Variants in HMX3 observed in about 807,000 individuals in gnomAD.
The protein encoded by HMX3 is H6 family homeobox 3, also known as homeobox protein HMX3.
HMX3 carries 8 observed loss-of-function variants against 22.8 expected under a neutral mutation model. The ratio of observed to expected loss-of-function variants is 0.35; its 90% confidence interval spans 0.21 to 0.63. The LOEUF is 0.63. HMX3 is among the 30% of genes least tolerant of loss of function. The pLI is 0.72. For missense variants in HMX3, 527 were observed against 520.6 expected, an observed-to-expected ratio of 1.01 and a Z score of -0.12; for synonymous variants, 331 against 250.9, an observed-to-expected ratio of 1.32 and a Z score of -3.02.
At position 123,137,600 on chromosome 10, in the gene HMX3, G is replaced by A. The variant is rs748253096; in HGVS notation, c.943G>A (p.Ala315Thr). The part of the protein sequence containing the change: ...RVPILYHENS[A>T]AEGAAAAAAG... The stretch of plus-strand genomic sequence containing the variant: ...GCCCATCCTCTACCACGAGAACTCG[G>A]CGGCCGAGGGCGCGGCGGCTGCAGC... Residue 315 changes from alanine to threonine, a missense_variant, in exon 2 of 2, where the codon GCG becomes ACG. Physicochemically the swap from Ala to Thr is moderately conservative, Grantham distance 58. Transcript: ENST00000357878. This position sits in a 1 kb window ranked among gnomAD's most constrained non-coding sequence, Gnocchi z 5.8. The A allele has an allele frequency of 1.3e-6, 2 of 1,579,846 alleles. No individual in the cohort carries two copies. Among genetic ancestry groups the A allele is most frequent in the Non-Finnish European group, 1.7e-6 (2 of 1,167,710 alleles).
Position 123,136,233 on chromosome 10 carries a change from TGCC to T in HMX3, c.198_200del (p.Ala73del), listed in dbSNP as rs956236050. 65 of 1,333,830 alleles carry T rather than the reference TGCC, an allele frequency of 4.9e-5. No homozygotes were observed. The highest frequency in any genetic ancestry group is 3.6e-4 in the South Asian group (15 of 42,188). 82.6% of individuals were successfully genotyped at this position (1,333,830 alleles called of 1,614,324 possible). On this transcript the variant is annotated inframe_deletion, in exon 1 of 2. Coordinates refer to ENST00000357878, the MANE Select transcript of HMX3 (RefSeq NM_001105574.2). The surrounding 1 kb of genome is among the most constrained non-coding windows in gnomAD (Gnocchi z 4.8). ...GGACGCTCTTCGCGCCAGCCTCGGCTGCCGCCGCCGCCGCCGCTGCCGCTGCCG... is the reference window on the plus strand; with the variant it reads ...GGACGCTCTTCGCGCCAGCCTCGGCTGCCGCCGCCGCCGCTGCCGCTGCCG...
chr10:123,136,312 G>T lies in HMX3; in HGVS notation c.262G>T (p.Val88Leu), dbSNP rs374078073. The T allele has an allele frequency of 1.3e-6, 2 of 1,557,370 alleles. No individual in the cohort carries two copies. Among genetic ancestry groups the T allele is most frequent in the South Asian group, 2.3e-5 (2 of 85,242 alleles). The change falls in exon 1 of 2, where the codon GTG becomes TTG. Residue 88 changes from valine to leucine, a missense_variant. This residue lies in a region of HMX3 where 386 missense variants were observed against 337.8 expected (regional missense o/e 1.14). Transcript: ENST00000357878. The surrounding 1 kb of genome is among the most constrained non-coding windows in gnomAD (Gnocchi z 4.8). ...CGCCGCGGGCTTCGCGCTCTCGCAG[G>T]TGGGCGACCTGGCTTTCCCTCGCTT... is the stretch of plus-strand genomic sequence containing the variant. ...EGAAGFALSQ[V>L]GDLAFPRFEI...
chr10:123,136,988 C>G lies in HMX3; in HGVS notation c.401-70C>G. 1.4e-6 allele frequency: 2 copies of G among 1,471,120 alleles called. No individual in the cohort carries two copies. Among genetic ancestry groups the G allele is most frequent in the South Asian group, 1.4e-5 (1 of 70,454 alleles). The allele number at this position is 1,471,120 out of a possible 1,614,324, so 91.1% of individuals were successfully genotyped here. ...CCGGCGCGGGTTGAGCCTGCCGTCC[C>G]CAGGCGCCGGGCCTCGCTCAAGGCT... On this transcript the variant is annotated intron_variant, in intron 1 of 1. Coordinates refer to ENST00000357878, the MANE Select transcript of HMX3 (RefSeq NM_001105574.2). This position sits in a 1 kb window ranked among gnomAD's most constrained non-coding sequence, Gnocchi z 4.8.
Position 123,136,418 on chromosome 10 carries a change from C to G in HMX3, c.368C>G (p.Thr123Ser). The change falls in exon 1 of 2, where the codon ACC becomes AGC. Residue 123 changes from threonine (T) to serine (S), a missense_variant. By Grantham distance (58) the Thr-to-Ser change is moderately conservative (BLOSUM62 1). Coordinates refer to ENST00000357878, the MANE Select transcript of HMX3 (RefSeq NM_001105574.2). This position sits in a 1 kb window ranked among gnomAD's most constrained non-coding sequence, Gnocchi z 4.8. ...SPAWWYPYTL[T>S]PAGGHLPRPE... Reference sequence around the variant, plus strand: ...GCCTGGTGGTACCCCTACACCCTGACCCCCGCCGGCGGCCACCTCCCGCGA... The same window carrying G: ...GCCTGGTGGTACCCCTACACCCTGAGCCCCGCCGGCGGCCACCTCCCGCGA... 2 of 1,494,892 alleles carry G rather than the reference C, an allele frequency of 1.3e-6. No individual in the cohort carries two copies. Among genetic ancestry groups the G allele is most frequent in the East Asian group, 2.7e-5 (1 of 36,924 alleles). The allele number at this position is 1,494,892 out of a possible 1,614,324, so 92.6% of individuals were successfully genotyped here. A position where few individuals can be genotyped will look rare whatever the true frequency, so the allele number is the denominator to read the frequency against.
In HMX3 at chr10:123,136,101, ACCG is replaced by A. The variant is rs1331408027; in HGVS notation, c.60_62del (p.Pro24del). 1.4e-6 allele frequency: 2 copies of A among 1,386,834 alleles called. No homozygotes were observed. The highest frequency in any genetic ancestry group is 9.4e-7 in the Non-Finnish European group (1 of 1,068,948). 85.9% of individuals were successfully genotyped at this position (1,386,834 alleles called of 1,614,324 possible). On this transcript the variant is annotated inframe_deletion, in exon 1 of 2. Coordinates refer to ENST00000357878, the MANE Select transcript of HMX3 (RefSeq NM_001105574.2). The surrounding 1 kb of genome is among the most constrained non-coding windows in gnomAD (Gnocchi z 4.8). ...CCGGCACCGCCAGCGCACAGCCCCA[ACCG>A]CCGCCGCCCCCCCCACCCGCTCCCA...
In HMX3 at chr10:123,137,689, G is replaced by T; in HGVS notation, c.1032G>T (p.Ser344=). Residue 344 remains serine, a synonymous_variant, in exon 2 of 2, where the codon TCG becomes TCT. Coordinates refer to ENST00000357878, the MANE Select transcript of HMX3 (RefSeq NM_001105574.2). The surrounding 1 kb of genome is among the most constrained non-coding windows in gnomAD (Gnocchi z 5.8). ...CCTTCCCGCACCCCGTCTACTACTC[G>T]CACCCGGTGGTCTCTTCCGTGCCGC... ...LLTFPHPVYY[S]HPVVSSVPLL... is the part of the protein sequence containing the mutation. 1 of 1,472,136 alleles carries T rather than the reference G, an allele frequency of 6.8e-7. No homozygotes were observed. Among genetic ancestry groups the T allele is most frequent in the Middle Eastern group, 1.9e-4 (1 of 5,386 alleles). The allele number at this position is 1,472,136 out of a possible 1,614,324, so 91.2% of individuals were successfully genotyped here.
In HMX3 at chr10:123,137,855, C is replaced by T; in HGVS notation, c.*124C>T. The stretch of plus-strand genomic sequence containing the variant: ...AGGAACTGGGGCTTGGGCGCGCAGC[C>T]TCTGCTTCCCCTCCCCCAGTCGGTA... On this transcript the variant is annotated 3_prime_UTR_variant, in exon 2 of 2. Coordinates refer to ENST00000357878, the MANE Select transcript of HMX3 (RefSeq NM_001105574.2). This position sits in a 1 kb window ranked among gnomAD's most constrained non-coding sequence, Gnocchi z 5.8. 1.6e-6 allele frequency: 1 copy of T among 615,686 alleles called. No homozygotes were observed. Among genetic ancestry groups the T allele is most frequent in the African/African-American group, 2.0e-5 (1 of 51,020 alleles). 38.1% of individuals were successfully genotyped at this position (615,686 alleles called of 1,614,324 possible).
Position 123,136,110 on chromosome 10 carries a change from G to GCCCCCC in HMX3, c.63_68dup (p.Pro23_Pro24dup). 1.6e-6 allele frequency: 2 copies of GCCCCCC among 1,261,622 alleles called. No homozygotes were observed. Among genetic ancestry groups the GCCCCCC allele is most frequent in the Non-Finnish European group, 2.0e-6 (2 of 986,954 alleles). 78.2% of individuals were successfully genotyped at this position (1,261,622 alleles called of 1,614,324 possible). On this transcript the variant is annotated inframe_insertion, in exon 1 of 2. Coordinates refer to ENST00000357878, the MANE Select transcript of HMX3 (RefSeq NM_001105574.2). This position sits in a 1 kb window ranked among gnomAD's most constrained non-coding sequence, Gnocchi z 4.8. The stretch of plus-strand genomic sequence containing the variant: ...CCAGCGCACAGCCCCAACCGCCGCC[G>GCCCCCC]CCCCCCCCACCCGCTCCCAAGGAGT...
At position 123,137,814 on chromosome 10, in the gene HMX3, A is replaced by T. The variant is rs561851098; in HGVS notation, c.*83A>T. On this transcript the variant is annotated 3_prime_UTR_variant, in exon 2 of 2. Transcript: ENST00000357878. This position sits in a 1 kb window ranked among gnomAD's most constrained non-coding sequence, Gnocchi z 5.8. ...ACTGGGCCGGGCCGAGGGCGCCGAGAAGTCCAGCGGCCTTCAGGAACTGGG... is the reference window on the plus strand; with the variant it reads ...ACTGGGCCGGGCCGAGGGCGCCGAGTAGTCCAGCGGCCTTCAGGAACTGGG... 2.8e-4 allele frequency: 309 copies of T among 1,096,512 alleles called. 3 individuals are homozygous for T. The African/African-American group carries it at 4.5e-3, about 16-fold the overall frequency. The allele number at this position is 1,096,512 out of a possible 1,614,324, so 67.9% of individuals were successfully genotyped here. A position where few individuals can be genotyped will look rare whatever the true frequency, so the allele number is the denominator to read the frequency against.
At position 123,137,139 on chromosome 10, in the gene HMX3, A is replaced by C; in HGVS notation, c.482A>C (p.Asp161Ala). The change falls in exon 2 of 2, where the codon GAC becomes GCC. Residue 161 changes from aspartate (D) to alanine (A), a missense_variant. By Grantham distance (126) the Asp-to-Ala change is moderately radical. Around this residue, in one of 3 missense-constraint regions of HMX3, gnomAD observed 386 missense variants for 337.8 expected, o/e 1.14. Coordinates refer to ENST00000357878, the MANE Select transcript of HMX3 (RefSeq NM_001105574.2). This position sits in a 1 kb window ranked among gnomAD's most constrained non-coding sequence, Gnocchi z 5.8. ...RDSPEPLLKA[D>A]PDHKELDSKS... ...TCTCCGGAGCCACTGCTCAAGGCCG[A>C]CCCCGATCACAAGGAGCTGGACTCC... 1 of 1,608,288 alleles carries C rather than the reference A, an allele frequency of 6.2e-7. No homozygotes were observed.
At position 123,137,520 on chromosome 10, in the gene HMX3, C is replaced by A; in HGVS notation, c.863C>A (p.Ala288Glu). 1.2e-6 allele frequency: 2 copies of A among 1,612,390 alleles called. No homozygotes were observed. Among genetic ancestry groups the A allele is most frequent in the Admixed American group, 1.7e-5 (1 of 60,008 alleles). ...AACAAGTGGAAGCGGCAGCTGGCGG[C>A]GGAGCTGGAGGCGGCCAACCTGAGC... ...RRNKWKRQLA[A>E]ELEAANLSHA... is the part of the protein sequence containing the mutation. The change falls in exon 2 of 2, where the codon GCG becomes GAG. Residue 288 changes from alanine (A) to glutamate (E), a missense_variant. Ala to Glu is a moderately radical substitution (Grantham distance 107, BLOSUM62 -1). This residue lies in a region of HMX3 where 41 missense variants were observed against 80.6 expected (regional missense o/e 0.51). Transcript: ENST00000357878. This position sits in a 1 kb window ranked among gnomAD's most constrained non-coding sequence, Gnocchi z 5.8.
rs928356118 is a variant in HMX3, at chr10:123,138,129, C to G, written c.*398C>G. On this transcript the variant is annotated 3_prime_UTR_variant, in exon 2 of 2. Transcript: ENST00000357878. The stretch of plus-strand genomic sequence containing the variant: ...AAATAAGCGCAAAACCTAAATCCCT[C>G]TAGTTTATTCTTTTCTGCTTTTTTT... Among the ~76,000 whole-genome samples the G allele has an allele frequency of 1.4e-5, 2 of 143,138 alleles. No homozygotes were observed. Among genetic ancestry groups the G allele is most frequent in the Non-Finnish European group, 3.0e-5 (2 of 66,324 alleles). The allele number at this position is 143,138 out of a possible 152,430, so 93.9% of individuals were successfully genotyped here. A position where few individuals can be genotyped will look rare whatever the true frequency, so the allele number is the denominator to read the frequency against.
In HMX3 at chr10:123,138,283, GGGATTGCA is replaced by G. The variant is rs1844100849; in HGVS notation, c.*555_*562del. 6.6e-6 allele frequency among the ~76,000 whole-genome samples: 1 copy of G among 151,724 alleles called. No individual in the cohort carries two copies. The highest frequency in any genetic ancestry group is 1.5e-5 in the Non-Finnish European group (1 of 67,966). Reference sequence around the variant, plus strand: ...TCCTGTCTCAGCCTCCCGAGTAGCTGGGATTGCAGGTGTGTGCCACCACGTCCGGCTAA... The same window carrying G: ...TCCTGTCTCAGCCTCCCGAGTAGCTGGGTGTGTGCCACCACGTCCGGCTAA... On this transcript the variant is annotated 3_prime_UTR_variant, in exon 2 of 2. Coordinates refer to ENST00000357878, the MANE Select transcript of HMX3 (RefSeq NM_001105574.2).
chr10:123,136,033 C>G lies in HMX3; in HGVS notation c.-18C>G, dbSNP rs1000430903. 3.0e-6 allele frequency: 4 copies of G among 1,344,122 alleles called. No individual in the cohort carries two copies. The highest frequency in any genetic ancestry group is 3.8e-6 in the Non-Finnish European group (4 of 1,046,264). The allele number at this position is 1,344,122 out of a possible 1,614,324, so 83.3% of individuals were successfully genotyped here. The stretch of plus-strand genomic sequence containing the variant: ...TGTCCCGCTCCCTCCCTCCCGGGGA[C>G]CCGGAGGAGAGGGGACCATGCCGGA... On this transcript the variant is annotated 5_prime_UTR_variant, in exon 1 of 2. Coordinates refer to ENST00000357878, the MANE Select transcript of HMX3 (RefSeq NM_001105574.2). This position sits in a 1 kb window ranked among gnomAD's most constrained non-coding sequence, Gnocchi z 4.8.
chr10:123,137,050 C>G lies in HMX3; in HGVS notation c.401-8C>G, dbSNP rs771018922. ...CATGTGTGTGCGTCCGTCTGTCTGT[C>G]TCCCCAGCCTCGGAGAAGGCCTTGC... On this transcript the variant is annotated splice_region_variant and splice_polypyrimidine_tract_variant and intron_variant, in intron 1 of 1. Coordinates refer to ENST00000357878, the MANE Select transcript of HMX3 (RefSeq NM_001105574.2). This position sits in a 1 kb window ranked among gnomAD's most constrained non-coding sequence, Gnocchi z 5.8. 4 of 1,597,200 alleles carry G rather than the reference C, an allele frequency of 2.5e-6. No homozygotes were observed. The South Asian group carries it at 3.4e-5, about 13-fold the overall frequency.
Position 123,137,858 on chromosome 10 carries a change from T to A in HMX3, c.*127T>A. 1.7e-6 allele frequency: 1 copy of A among 598,676 alleles called. No homozygotes were observed. The highest frequency in any genetic ancestry group is 2.7e-6 in the Non-Finnish European group (1 of 370,152). 37.1% of individuals were successfully genotyped at this position (598,676 alleles called of 1,614,324 possible). ...AACTGGGGCTTGGGCGCGCAGCCTC[T>A]GCTTCCCCTCCCCCAGTCGGTAGCA... On this transcript the variant is annotated 3_prime_UTR_variant, in exon 2 of 2. Transcript: ENST00000357878. This position sits in a 1 kb window ranked among gnomAD's most constrained non-coding sequence, Gnocchi z 5.8.
Position 123,139,267 on chromosome 10 carries a change from A to C in HMX3, c.*1536A>C, listed in dbSNP as rs545227719. On this transcript the variant is annotated 3_prime_UTR_variant, in exon 2 of 2. Transcript: ENST00000357878. ...CAATCTGTTTTCTTTCTGTCGGTAC[A>C]CCTGTTGTTCTGTGATAGTTTGTTT... is the stretch of plus-strand genomic sequence containing the variant. Among the ~76,000 whole-genome samples the C allele has an allele frequency of 2.0e-3, 305 of 151,650 alleles. No homozygotes were observed. Among genetic ancestry groups the C allele is most frequent in the African/African-American group, 7.2e-3 (298 of 41,284 alleles).
Position 123,137,298 on chromosome 10 carries a change from A to G in HMX3, c.641A>G (p.Lys214Arg). 1 of 1,604,086 alleles carries G rather than the reference A, an allele frequency of 6.2e-7. No homozygotes were observed. Among genetic ancestry groups the G allele is most frequent in the Non-Finnish European group, 8.5e-7 (1 of 1,175,620 alleles). Residue 214 changes from lysine to arginine, a missense_variant, in exon 2 of 2, where the codon AAG (lysine) becomes AGG (arginine). By Grantham distance (26) the Lys-to-Arg change is conservative. This residue lies in a region of HMX3 where 386 missense variants were observed against 337.8 expected (regional missense o/e 1.14). Transcript: ENST00000357878. This position sits in a 1 kb window ranked among gnomAD's most constrained non-coding sequence, Gnocchi z 5.8. ...AATPGAEDWK[K>R]GAESPEKKPA... Reference sequence around the variant, plus strand: ...ACTCCGGGCGCAGAAGACTGGAAGAAGGGCGCTGAAAGTCCAGAGAAGAAG... The same window carrying G: ...ACTCCGGGCGCAGAAGACTGGAAGAGGGGCGCTGAAAGTCCAGAGAAGAAG...
chr10:123,136,083 C>A lies in HMX3; in HGVS notation c.33C>A (p.Thr11=). ...AACCCGGGCCGGACGCTGCCGGCACCGCCAGCGCACAGCCCCAACCGCCGC... is the reference window on the plus strand; with the variant it reads ...AACCCGGGCCGGACGCTGCCGGCACAGCCAGCGCACAGCCCCAACCGCCGC... MPEPGPDAAG[T]ASAQPQPPPP... Residue 11 remains threonine, a synonymous_variant, in exon 1 of 2, where the codon ACC becomes ACA. Coordinates refer to ENST00000357878, the MANE Select transcript of HMX3 (RefSeq NM_001105574.2). This position sits in a 1 kb window ranked among gnomAD's most constrained non-coding sequence, Gnocchi z 4.8. 3 of 1,403,030 alleles carry A rather than the reference C, an allele frequency of 2.1e-6. No homozygotes were observed. The highest frequency in any genetic ancestry group is 9.3e-7 in the Non-Finnish European group (1 of 1,077,476). 86.9% of individuals were successfully genotyped at this position (1,403,030 alleles called of 1,614,324 possible).
Sources: gnomAD v4.1 joint callset for allele counts (sites outside exome capture counted in the v4.1 genomes callset) on GRCh38, gnomAD v4.1.1 for gene constraint, gnomAD v4.1.1 regional missense constraint, Gnocchi (gnomAD v3.1) non-coding constraint, MANE v1.5 for transcripts, NCBI Gene and HGNC (gene_info 2026-07-23, HGNC 2026-07-21) for gene names.